The following SLCO4C1 variants were observed in gnomAD, a reference collection of about 807,000 sequenced individuals.
SLCO4C1 encodes organic anion transporter M1.
In SLCO4C1, 58 loss-of-function variants were observed where a neutral mutation model predicts 72.1. The observed-to-expected ratio is 0.80, with a 90% CI of 0.65 to 1.00. The LOEUF is 1.00. SLCO4C1 is among the 50% of genes least tolerant of loss of function. The pLI is 0.00. For missense variants in SLCO4C1, 898 were observed against 857.9 expected (o/e 1.05, Z -0.58); for synonymous variants, 297 against 312.5 (o/e 0.95, Z 0.52).
At chr5:102,264,347 G>T (rs1476375602) in intron 3 of SLCO4C1, among the ~76,000 whole-genome samples, 1 of 152,014 alleles carries the variant, frequency 6.6e-6, no homozygotes, top group African/African-American at 2.4e-5. Context: ...TTAAAATGTT[G>T]CCATATATAA....
At chr5:102,256,967 A>G (rs1303408507) in intron 8 of SLCO4C1, 148 bp downstream of exon 8, 1 of 567,304 alleles carries the variant, frequency 1.8e-6, no homozygotes, top group Non-Finnish European at 2.8e-6. Context: ...TATCTAAACT[A>G]AAAACAAAAC....
chr5:102,279,438 C>G (rs1371136095), intron 2 of SLCO4C1, among the ~76,000 whole-genome samples: 2 of 151,814 alleles, frequency 1.3e-5, no homozygotes, highest in African/African-American at 4.8e-5. Flanking sequence ...AATTAAGAAA[C>G]TCCCCAAACA....
At chr5:102,238,000 A>ATAG in intron 12 of SLCO4C1, among the ~76,000 whole-genome samples, 1 of 152,322 alleles carries the variant, frequency 6.6e-6, no homozygotes, top group South Asian at 2.1e-4. Flanking sequence ...GTCTCACAGT[A>ATAG]TAGTTCTTGC....
intron 2 of SLCO4C1, among the ~76,000 whole-genome samples, chr5:102,287,462 T>C (rs1749475359): frequency 1.3e-5 from 2 of 151,982 alleles, no homozygotes; most frequent in South Asian, 4.1e-4. Context: ...TTAGTTGTTG[T>C]TAACCATCTG....
intron 2 of SLCO4C1, among the ~76,000 whole-genome samples, chr5:102,286,991 C>T (rs992340099): frequency 2.6e-5 from 4 of 152,016 alleles, no homozygotes; most frequent in Admixed American, 6.6e-5. Context: ...ATTTTGATTT[C>T]CCTTAAGAAC....
At chr5:102,237,044 G>T in intron 12 of SLCO4C1, 26 bp from the exon 13 acceptor site, 1 of 1,544,454 alleles carries the variant, frequency 6.5e-7, no homozygotes, top group Non-Finnish European at 8.7e-7. Flanking sequence ...AATTAATCAT[G>T]TGCTTTTGTT....
intron 2 of SLCO4C1, among the ~76,000 whole-genome samples, chr5:102,284,690 G>A (rs17271947): frequency 0.27 from 41,368 of 150,804 alleles, 5,968 homozygotes; most frequent in Middle Eastern, 0.31. Flanking sequence ...TATTCCTAAT[G>A]CCTCTAGAAA....
Position 102,240,756 on chromosome 5 carries a change from A to G in SLCO4C1, c.1838T>C (p.Leu613Pro). The G allele has an allele frequency of 6.2e-7, 1 of 1,612,154 alleles. No homozygotes were observed. The highest frequency in any genetic ancestry group is 8.5e-7 in the Non-Finnish European group (1 of 1,178,766). ...LRCVNHRQRS[L>P]ALGIQFMVLR... The stretch of plus-strand genomic sequence containing the variant: ...GACCATAAATTGTATTCCCAAGGCT[A>G]GGGACCGTTGTCTGTGATTAACACA... The change falls in exon 11 of 13, where the codon CTA becomes CCA. Residue 613 changes from leucine to proline, a missense_variant. By Grantham distance (98) the Leu-to-Pro change is moderately conservative. Coordinates refer to ENST00000310954, the MANE Select transcript of SLCO4C1 (RefSeq NM_180991.5).
At chr5:102,257,913 T>G (rs752781526) in intron 7 of SLCO4C1, 30 bp downstream of exon 7, 1 of 1,575,778 alleles carries the variant, frequency 6.3e-7, no homozygotes, top group Non-Finnish European at 8.6e-7. Flanking sequence ...AAAGTAAAAT[T>G]TTTAGGTTAA....
In SLCO4C1 at chr5:102,236,939, A is replaced by T. The variant is rs1343215866; in HGVS notation, c.2094T>A (p.Asp698Glu). The change falls in exon 13 of 13, where the codon GAT (aspartate) becomes GAA (glutamate). Residue 698 changes from aspartate (D) to glutamate (E), a missense_variant. Coordinates refer to ENST00000310954, the MANE Select transcript of SLCO4C1 (RefSeq NM_180991.5). Reference protein sequence around the residue: ...FLYKPPPSATDVSFHKENAVV... With the variant: ...FLYKPPPSATEVSFHKENAVV... ...CTGCATTCTCTTTATGAAATGACAC[A>T]TCTGTGGCTGATGGAGGTGGTTTAT... The T allele has an allele frequency of 1.9e-6, 3 of 1,612,826 alleles. No homozygotes were observed. The African/African-American group carries it at 4.0e-5, about 22-fold the overall frequency.
Position 102,234,083 on chromosome 5 carries a change from G to T in SLCO4C1, c.*2775C>A, listed in dbSNP as rs1748392161. 6.6e-6 allele frequency: 1 copy of T among 152,098 alleles called. No homozygotes were observed. The highest frequency in any genetic ancestry group is 1.5e-5 in the Non-Finnish European group (1 of 67,960). The allele number at this position is 152,098 out of a possible 1,614,324, so 9.4% of individuals were successfully genotyped here. ...TGAAAGAAAATGGATCTAAAACTTT[G>T]TTTCCCTCCAATTTACATAGTAAAG... On this transcript the variant is annotated 3_prime_UTR_variant, in exon 13 of 13. Coordinates refer to ENST00000310954, the MANE Select transcript of SLCO4C1 (RefSeq NM_180991.5).
At chr5:102,246,302 C>A (rs1367170872) in intron 10 of SLCO4C1, among the ~76,000 whole-genome samples, 3 of 151,850 alleles carry the variant, frequency 2.0e-5, no homozygotes, top group Non-Finnish European at 4.4e-5. Context: ...GTAATAAAAT[C>A]AGAAATAAAA....
chr5:102,273,739 G>A (rs1386102265), intron 2 of SLCO4C1, among the ~76,000 whole-genome samples: 4 of 152,146 alleles, frequency 2.6e-5, no homozygotes, highest in Non-Finnish European at 5.9e-5. Flanking sequence ...ACTTCATTCA[G>A]AGATGCCATG....
intron 10 of SLCO4C1, among the ~76,000 whole-genome samples, chr5:102,242,763 C>T (rs1210443696): frequency 6.6e-6 from 1 of 152,162 alleles, no homozygotes; most frequent in African/African-American, 2.4e-5. Flanking sequence ...TCTGATAAGA[C>T]TCAGCACATT....
rs1281653835 is a variant in SLCO4C1 at position 102,252,080 on chromosome 5, GGAAGGGAA to G, written c.1470-2300_1470-2293del. ...AGAAGGAAGGGAAACGGGGAAAGAA[GGAAGGGAA>G]GAAGGGAGGAAGGGAAGGGAAAGAG... is the stretch of plus-strand genomic sequence containing the variant. On this transcript the variant is annotated intron_variant, in intron 8 of 12. Transcript: ENST00000310954. 2.7e-5 allele frequency among the ~76,000 whole-genome samples: 4 copies of G among 150,564 alleles called. No homozygotes were observed. The Admixed American group carries it at 2.7e-4, about 10-fold the overall frequency.
At position 102,260,321 on chromosome 5, in the gene SLCO4C1, TAAA is replaced by T. The variant is rs746119680; in HGVS notation, c.1022-5_1022-3del. 244 of 406,058 alleles carry T rather than the reference TAAA, an allele frequency of 6.0e-4. No homozygotes were observed. Among genetic ancestry groups the T allele is most frequent in the African/African-American group, 5.3e-3 (81 of 15,374 alleles). The allele number at this position is 406,058 out of a possible 1,614,324, so 25.2% of individuals were successfully genotyped here. ...TTCCAGCTTGAATTTCTGCTGTACC[TAAA>T]AAAAAAATATATATATATATATAAT... On this transcript the variant is annotated splice_polypyrimidine_tract_variant and splice_region_variant and intron_variant, in intron 5 of 12. Coordinates refer to ENST00000310954, the MANE Select transcript of SLCO4C1 (RefSeq NM_180991.5).
chr5:102,262,674 A>T (rs1748963525), intron 4 of SLCO4C1, among the ~76,000 whole-genome samples: 1 of 152,056 alleles, frequency 6.6e-6, no homozygotes, highest in South Asian at 2.1e-4. Flanking sequence ...AAGTGCTAGG[A>T]TTACAGGTAT....
chr5:102,270,408 C>T (rs990840688), intron 3 of SLCO4C1, among the ~76,000 whole-genome samples: 3 of 151,924 alleles, frequency 2.0e-5, no homozygotes, highest in Admixed American at 1.3e-4. Context: ...ATGCCTAGAG[C>T]AAGAAATACA....
intron 6 of SLCO4C1, among the ~76,000 whole-genome samples, chr5:102,258,358 G>A (rs1037144088): frequency 2.0e-5 from 3 of 152,108 alleles, no homozygotes; most frequent in African/African-American, 7.2e-5. Context: ...ATGGAAAGAA[G>A]GTAAAAGCCT....
Sources: gnomAD v4.1 joint callset for allele counts (sites outside exome capture counted in the v4.1 genomes callset) on GRCh38, gnomAD v4.1.1 for gene constraint, MANE v1.5 for transcripts, NCBI Gene and HGNC (gene_info 2026-07-23, HGNC 2026-07-21) for gene names.